The following MRPL58 variants were observed in gnomAD, a reference collection of about 807,000 sequenced individuals.
MRPL58 encodes large ribosomal subunit protein mL62.
A neutral mutation model predicts 26.0 loss-of-function variants in MRPL58; 17 were observed. That is an observed-to-expected ratio of 0.65 (90% confidence interval 0.45 to 0.98). The LOEUF (loss-of-function observed/expected upper bound fraction) is 0.98. MRPL58 is among the 50% of genes least tolerant of loss of function. MRPL58 has a pLI of 0.00. For synonymous variants in MRPL58, 100 were observed against 99.7 expected, an observed-to-expected ratio of 1.00 and a Z score of -0.02; for missense variants, 250 against 269.0, an observed-to-expected ratio of 0.93 and a Z score of 0.49.
intron 2 of MRPL58, among the ~76,000 whole-genome samples, chr17:75,019,238 C>T (rs992823475): frequency 1.3e-5 from 2 of 152,046 alleles, no homozygotes; most frequent in Non-Finnish European, 2.9e-5. Flanking sequence ...TGTCTTGTGA[C>T]AGCCTCCTAG....
chr17:75,018,210 A>G (rs1234148372), intron 2 of MRPL58, among the ~76,000 whole-genome samples: 1 of 151,418 alleles, frequency 6.6e-6, no homozygotes, highest in Admixed American at 6.6e-5. Flanking sequence ...TTTGTTTTTT[A>G]CATATCTATA....
chr17:75,019,873 A>C, intron 3 of MRPL58, 114 bp downstream of exon 3: 1 of 712,360 alleles, frequency 1.4e-6, no homozygotes, highest in South Asian at 2.0e-5. Flanking sequence ...AGAAGCTTTA[A>C]TACTGCCAGC....
At chr17:75,020,822 T>G in intron 5 of MRPL58, 99 bp from the exon 6 acceptor site, 1 of 1,197,816 alleles carries the variant, frequency 8.3e-7, no homozygotes, top group East Asian at 2.3e-5. Flanking sequence ...TGCCTGCTGG[T>G]GTAACTGCTC....
At chr17:75,019,323 G>A (rs1316911990) in intron 2 of MRPL58, among the ~76,000 whole-genome samples, 3 of 152,146 alleles carry the variant, frequency 2.0e-5, no homozygotes, top group African/African-American at 4.8e-5. Flanking sequence ...CATGGATCCC[G>A]AAGCGTTCCA....
At chr17:75,020,267 C>A in intron 3 of MRPL58, 46 bp from the exon 4 acceptor site, 1 of 1,487,582 alleles carries the variant, frequency 6.7e-7, no homozygotes, top group African/African-American at 1.4e-5. Context: ...TTGATCCTTC[C>A]TGGAAGTCTC....
At chr17:75,018,356 C>T (rs1293076036) in intron 2 of MRPL58, among the ~76,000 whole-genome samples, 1 of 151,968 alleles carries the variant, frequency 6.6e-6, no homozygotes, top group Non-Finnish European at 1.5e-5. Flanking sequence ...CTCAGCCTCC[C>T]GAGTAGCTGG....
In MRPL58 at chr17:75,021,107, T is replaced by C; in HGVS notation, c.*102T>C. The C allele has an allele frequency of 4.0e-6, 3 of 757,820 alleles. No individual in the cohort carries two copies. The South Asian group carries it at 4.6e-5, about 12-fold the overall frequency. The allele number at this position is 757,820 out of a possible 1,614,324, so 46.9% of individuals were successfully genotyped here. A position where few individuals can be genotyped will look rare whatever the true frequency, so the allele number is the denominator to read the frequency against. The stretch of plus-strand genomic sequence containing the variant: ...AGATTTCTGTTTTTCTTTTTGGCTG[T>C]TAATGCTTGTCTATAACATTGGAGC... On this transcript the variant is annotated 3_prime_UTR_variant, in exon 6 of 6. Transcript: ENST00000301585.
intron 1 of MRPL58, 68 bp downstream of exon 1, chr17:75,012,940 G>C: frequency 7.0e-7 from 1 of 1,418,866 alleles, no homozygotes; most frequent in Non-Finnish European, 9.7e-7. Context: ...GGAACCCCAG[G>C]CCCATTGGCC....
Position 75,012,744 on chromosome 17 carries a change from C to A in MRPL58, c.58C>A (p.Pro20Thr). 1 of 1,585,976 alleles carries A rather than the reference C, an allele frequency of 6.3e-7. No individual in the cohort carries two copies. Among genetic ancestry groups the A allele is most frequent in the East Asian group, 2.3e-5 (1 of 43,048 alleles). ...GAGCCGAGCCGGAGTCTGGCTGCTCCCACCGCCCGCACGGTGCCCACGCCG... is the reference window on the plus strand; with the variant it reads ...GAGCCGAGCCGGAGTCTGGCTGCTCACACCGCCCGCACGGTGCCCACGCCG... ...GLSRAGVWLLPPPARCPRRAL... is the reference protein window; with the variant it reads ...GLSRAGVWLLTPPARCPRRAL... The change falls in exon 1 of 6, where the codon CCA (proline) becomes ACA (threonine). Residue 20 changes from proline (P) to threonine (T), a missense_variant. Pro to Thr is a conservative substitution (Grantham distance 38). Coordinates refer to ENST00000301585, the MANE Select transcript of MRPL58 (RefSeq NM_001545.3).
At position 75,020,335 on chromosome 17, in the gene MRPL58, G is replaced by T; in HGVS notation, c.306G>T (p.Arg102Ser). ...VNKVNSKAEV[R>S]FHLATAEWIA... is the part of the protein sequence containing the mutation. ...CAGTGAATTCCAAGGCAGAAGTCAG[G>T]TTCCATTTGGCAACTGCCGAGTGGA... The change falls in exon 4 of 6, where the codon AGG becomes AGT. Residue 102 changes from arginine to serine, a missense_variant. Physicochemically the swap from Arg to Ser is moderately radical, Grantham distance 110. Coordinates refer to ENST00000301585, the MANE Select transcript of MRPL58 (RefSeq NM_001545.3). The T allele has an allele frequency of 6.2e-7, 1 of 1,614,054 alleles. No individual in the cohort carries two copies. The highest frequency in any genetic ancestry group is 8.5e-7 in the Non-Finnish European group (1 of 1,179,992).
At chr17:75,018,965 G>A (rs2039995042) in intron 2 of MRPL58, among the ~76,000 whole-genome samples, 1 of 152,044 alleles carries the variant, frequency 6.6e-6, no homozygotes, top group African/African-American at 2.4e-5. Context: ...AAGCAGTTTT[G>A]TAGCTTGAAG....
intron 2 of MRPL58, among the ~76,000 whole-genome samples, chr17:75,018,937 G>C (rs139740641): frequency 6.6e-6 from 1 of 152,200 alleles, no homozygotes; most frequent in Non-Finnish European, 1.5e-5. Context: ...GCTGAGGAGC[G>C]AATACCATGC....
intron 2 of MRPL58, among the ~76,000 whole-genome samples, chr17:75,018,233 C>CTTTTTT (rs11381155): frequency 1.4e-5 from 2 of 146,862 alleles, no homozygotes; most frequent in African/African-American, 2.5e-5. Context: ...TCTGAAATAT[C>CTTTTTT]TTTTTTTTTT....
intron 2 of MRPL58, 68 bp downstream of exon 2, chr17:75,017,182 T>C (rs1234385326): frequency 8.2e-7 from 1 of 1,223,684 alleles, no homozygotes; most frequent in Non-Finnish European, 1.2e-6. Context: ...TCCCAGTTAC[T>C]TGGGAGGCTG....
chr17:75,019,761 T>G lies in MRPL58; in HGVS notation c.283+2T>G. ...CTGGGGGGCAGAATGTGAACAAAGGTACGGGGTGCCTTGTTGCTTTCTTTT... is the reference window on the plus strand; with the variant it reads ...CTGGGGGGCAGAATGTGAACAAAGGGACGGGGTGCCTTGTTGCTTTCTTTT... On this transcript the variant is annotated splice_donor_variant, in intron 3 of 5. Transcript: ENST00000301585. LOFTEE classifies it high-confidence loss of function. 6.3e-7 allele frequency: 1 copy of G among 1,596,476 alleles called. No individual in the cohort carries two copies. The highest frequency in any genetic ancestry group is 8.6e-7 in the Non-Finnish European group (1 of 1,167,066).
chr17:75,019,841 T>C (rs758993161), intron 3 of MRPL58, 82 bp downstream of exon 3: 81 of 1,098,060 alleles, frequency 7.4e-5, no homozygotes, highest in Non-Finnish European at 1.0e-4. Flanking sequence ...TGTGTTCATA[T>C]GGAATAAAGG....
Position 75,020,997 on chromosome 17 carries a change from A to C in MRPL58, c.613A>C (p.Met205Leu). The C allele has an allele frequency of 6.2e-7, 1 of 1,612,390 alleles. No homozygotes were observed. Among genetic ancestry groups the C allele is most frequent in the African/African-American group, 1.3e-5 (1 of 75,008 alleles). ...SAVKTSRRVD[M>L]D ...TGTAAAGACAAGCAGGAGGGTCGAC[A>C]TGGACTGAAATCACCCTCTGCAGCT... The change falls in exon 6 of 6, where the codon ATG becomes CTG. Residue 205 changes from methionine (M) to leucine (L), a missense_variant. Coordinates refer to ENST00000301585, the MANE Select transcript of MRPL58 (RefSeq NM_001545.3).
chr17:75,020,138 C>T, intron 3 of MRPL58, 175 bp from the exon 4 acceptor site: 2 of 588,592 alleles, frequency 3.4e-6, no homozygotes, highest in Non-Finnish European at 6.0e-6. Flanking sequence ...TATTTTTGCC[C>T]AAAAGTGCCT....
chr17:75,020,184 A>G, intron 3 of MRPL58, 129 bp from the exon 4 acceptor site: 1 of 732,512 alleles, frequency 1.4e-6, no homozygotes, highest in Non-Finnish European at 2.3e-6. Context: ...GCCAACTTGG[A>G]CATAGGCTAC....
Sources: allele counts gnomAD v4.1 joint callset (sites outside exome capture counted in the v4.1 genomes callset), GRCh38; gene constraint gnomAD v4.1.1; transcripts MANE v1.5; gene names NCBI Gene and HGNC (gene_info 2026-07-23, HGNC 2026-07-21).